Variants in TRAPPC4 observed in about 807,000 individuals in gnomAD.
TRAPPC4 encodes trafficking protein particle complex subunit 4, also known as TRS23 homolog.
TRAPPC4 carries 30 observed loss-of-function variants against 23.5 expected under a neutral mutation model. The observed-to-expected ratio is 1.28, with a 90% CI of 0.96 to 1.73. The LOEUF is 1.73. TRAPPC4 is among the 40% of genes most tolerant of loss of function. The probability of loss-of-function intolerance (pLI) is 0.00; values close to 1 mark genes in which losing one functional copy is unlikely to be tolerated. For missense variants in TRAPPC4, 252 were observed against 268.9 expected (o/e 0.94, Z 0.44); for synonymous variants, 129 against 105.3 (o/e 1.23, Z -1.38).
intron 2 of TRAPPC4, chr11:119,019,825 C>T (rs1476350326): frequency 1.4e-5 from 3 of 208,768 alleles, no homozygotes; most frequent in South Asian, 9.1e-5. Flanking sequence ...AACTAAATGA[C>T]CTTTAAACTT....
At position 119,018,835 on chromosome 11, in the gene TRAPPC4, G is replaced by A; in HGVS notation, c.40G>A (p.Gly14Ser). The A allele has an allele frequency of 1.2e-6, 2 of 1,614,252 alleles. No individual in the cohort carries two copies. Among genetic ancestry groups the A allele is most frequent in the Non-Finnish European group, 1.7e-6 (2 of 1,180,050 alleles). ...TGTGTATGTGGTGAACAAAGCTGGC[G>A]GCTTGATTTACCAGTTGGACAGCTA... ...FSVYVVNKAG[G>S]LIYQLDSYAP... Residue 14 changes from glycine to serine, a missense_variant, in exon 1 of 5, where the codon GGC becomes AGC. By Grantham distance (56) the Gly-to-Ser change is moderately conservative. Transcript: ENST00000533632.
rs1474032445 is a variant in TRAPPC4 at position 119,023,465 on chromosome 11, C to G, written c.*66C>G. On this transcript the variant is annotated 3_prime_UTR_variant, in exon 5 of 5. Transcript: ENST00000533632. Reference sequence around the variant, plus strand: ...CAACAAGAATACTGCTGTTGACACTCCAGTGGAAATCCCAGCAGCCTTGTT... The same window carrying G: ...CAACAAGAATACTGCTGTTGACACTGCAGTGGAAATCCCAGCAGCCTTGTT... 12 of 1,485,402 alleles carry G rather than the reference C, an allele frequency of 8.1e-6. No homozygotes were observed. Among genetic ancestry groups the G allele is most frequent in the Non-Finnish European group, 1.1e-5 (12 of 1,064,224 alleles). The allele number at this position is 1,485,402 out of a possible 1,614,324, so 92.0% of individuals were successfully genotyped here. A position where few individuals can be genotyped will look rare whatever the true frequency, so the allele number is the denominator to read the frequency against.
chr11:119,022,957 G>GTTTTTTTTTTTTTTTTT lies in TRAPPC4; in HGVS notation c.582-357_582-341dup, dbSNP rs71048033. On this transcript the variant is annotated intron_variant, in intron 4 of 4. Coordinates refer to ENST00000533632, the MANE Select transcript of TRAPPC4 (RefSeq NM_016146.6). ...TGTTTGTGGGGTTTTTTTTGTTGAT[G>GTTTTTTTTTTTTTTTTT]TTTTTTTTTTTTTTTTTTTTTTTGA... 180 of 85,404 alleles carry GTTTTTTTTTTTTTTTTT rather than the reference G, an allele frequency of 2.1e-3. 3 individuals carry two copies. Among genetic ancestry groups the GTTTTTTTTTTTTTTTTT allele is most frequent in the East Asian group, 3.0e-3 (7 of 2,326 alleles). The allele number at this position is 85,404 out of a possible 1,614,324, so 5.3% of individuals were successfully genotyped here.
In TRAPPC4 at chr11:119,023,694, T is replaced by C. The variant is rs1943464101; in HGVS notation, c.*295T>C. The stretch of plus-strand genomic sequence containing the variant: ...TTGCAATCTGTCTTAATCGATGGTT[T>C]TGGGGGAAAGATACAGGAAGTGAGT... On this transcript the variant is annotated 3_prime_UTR_variant, in exon 5 of 5. Coordinates refer to ENST00000533632, the MANE Select transcript of TRAPPC4 (RefSeq NM_016146.6). The C allele has an allele frequency of 4.3e-6, 1 of 233,234 alleles. No homozygotes were observed. The highest frequency in any genetic ancestry group is 8.3e-6 in the Non-Finnish European group (1 of 119,858). 14.4% of individuals were successfully genotyped at this position (233,234 alleles called of 1,614,324 possible).
chr11:119,020,711 T>TC (rs1943334968), intron 3 of TRAPPC4: 1 of 153,458 alleles, frequency 6.5e-6, no homozygotes, highest in Non-Finnish European at 1.4e-5. Context: ...TTCTTTTTTT[T>TC]TTTTTTTTTT....
At position 119,023,435 on chromosome 11, in the gene TRAPPC4, TC is replaced by T. The variant is rs1483858697; in HGVS notation, c.*38del. The T allele has an allele frequency of 1.2e-6, 2 of 1,600,174 alleles. No individual in the cohort carries two copies. Among genetic ancestry groups the T allele is most frequent in the Admixed American group, 3.3e-5 (2 of 59,934 alleles). Reference sequence around the variant, plus strand: ...TTATGGACCCCCAAATTCTGAGAGTTCCTGCAACAAGAATACTGCTGTTGAC... The same window carrying T: ...TTATGGACCCCCAAATTCTGAGAGTTCTGCAACAAGAATACTGCTGTTGAC... On this transcript the variant is annotated 3_prime_UTR_variant, in exon 5 of 5. Transcript: ENST00000533632.
Position 119,023,433 on chromosome 11 carries a change from G to A in TRAPPC4, c.*34G>A, listed in dbSNP as rs369482043. On this transcript the variant is annotated 3_prime_UTR_variant, in exon 5 of 5. Coordinates refer to ENST00000533632, the MANE Select transcript of TRAPPC4 (RefSeq NM_016146.6). ...TGTTATGGACCCCCAAATTCTGAGA[G>A]TTCCTGCAACAAGAATACTGCTGTT... 6.2e-6 allele frequency: 10 copies of A among 1,601,748 alleles called. No individual in the cohort carries two copies. The highest frequency in any genetic ancestry group is 8.6e-6 in the Non-Finnish European group (10 of 1,168,986).
intron 4 of TRAPPC4, among the ~76,000 whole-genome samples, chr11:119,022,754 C>G (rs1399893484): frequency 2.7e-5 from 4 of 149,596 alleles, no homozygotes; most frequent in Non-Finnish European, 4.4e-5. Context: ...CAAAAATTAG[C>G]CAGGTGTGGT....
intron 2 of TRAPPC4, 165 bp downstream of exon 2, chr11:119,019,482 C>T: frequency 1.4e-6 from 1 of 729,550 alleles, no homozygotes; most frequent in Non-Finnish European, 2.2e-6. Flanking sequence ...CGCGGAGTTA[C>T]CCAGGCTGGA....
chr11:119,020,866 C>G (rs1047145459), intron 3 of TRAPPC4: 1 of 151,864 alleles, frequency 6.6e-6, no homozygotes, highest in Non-Finnish European at 1.5e-5. Context: ...CCACCACACC[C>G]AGCTAATTTT....
At chr11:119,019,879 A>T in intron 2 of TRAPPC4, 1 of 317,802 alleles carries the variant, frequency 3.1e-6, no homozygotes. Context: ...GCCTTTGCTT[A>T]AACACAAGCT....
intron 4 of TRAPPC4, 149 bp from the exon 5 acceptor site, chr11:119,023,172 C>T (rs1943439307): frequency 1.5e-6 from 1 of 678,528 alleles, no homozygotes; most frequent in Admixed American, 2.4e-5. Flanking sequence ...ACCATATTGG[C>T]CAGGCTAGTC....
chr11:119,021,002 C>T (rs1484208721), intron 3 of TRAPPC4: 1 of 152,454 alleles, frequency 6.6e-6, no homozygotes, highest in Non-Finnish European at 1.5e-5. Flanking sequence ...AATTCTCCTG[C>T]CTCAGCCTCC....
chr11:119,019,807 G>T lies in TRAPPC4; in HGVS notation c.351-343G>T, dbSNP rs562290755. Reference sequence around the variant, plus strand: ...CTTAGTTTCTTCATATTTAAAGAAAGCCAGTTTAACTAAATGACCTTTAAA... The same window carrying T: ...CTTAGTTTCTTCATATTTAAAGAAATCCAGTTTAACTAAATGACCTTTAAA... On this transcript the variant is annotated intron_variant, in intron 2 of 4. Coordinates refer to ENST00000533632, the MANE Select transcript of TRAPPC4 (RefSeq NM_016146.6). 5 of 205,782 alleles carry T rather than the reference G, an allele frequency of 2.4e-5. 2 individuals carry two copies. In the South Asian group the frequency reaches 4.5e-4, roughly 18 times the overall value. 12.7% of individuals were successfully genotyped at this position (205,782 alleles called of 1,614,324 possible). A position where few individuals can be genotyped will look rare whatever the true frequency, so the allele number is the denominator to read the frequency against.
intron 2 of TRAPPC4, 169 bp from the exon 3 acceptor site, chr11:119,019,981 C>A: frequency 3.8e-6 from 2 of 531,758 alleles, no homozygotes; most frequent in Non-Finnish European, 3.4e-6. Flanking sequence ...GTAAAATATT[C>A]ACAGAATTCA....
At chr11:119,019,366 T>G (rs782011022) in intron 2 of TRAPPC4, 49 bp downstream of exon 2, 1 of 1,573,716 alleles carries the variant, frequency 6.4e-7, no homozygotes, top group Non-Finnish European at 8.7e-7. Context: ...TGTCTACCTT[T>G]TCTTAAATCG....
chr11:119,020,111 A>G, intron 2 of TRAPPC4, 39 bp from the exon 3 acceptor site: 1 of 1,487,592 alleles, frequency 6.7e-7, no homozygotes, highest in South Asian at 1.1e-5. Flanking sequence ...TTTGAGAAGC[A>G]CTCCTTCCTT....
intron 2 of TRAPPC4, 185 bp from the exon 3 acceptor site, chr11:119,019,965 A>G: frequency 1.9e-6 from 1 of 526,146 alleles, no homozygotes; most frequent in Non-Finnish European, 3.4e-6. Context: ...GTAACAAAGT[A>G]TGAATGTAAA....
rs782273795 is a variant in TRAPPC4, at chr11:119,019,324, C to T, written c.350+7C>T. On this transcript the variant is annotated splice_region_variant and intron_variant, in intron 2 of 4. Coordinates refer to ENST00000533632, the MANE Select transcript of TRAPPC4 (RefSeq NM_016146.6). ...TGGCCTCCATGTTCCACTCGTAAGT[C>T]CCCCGTCTCCTGAACGGCAGCGCTT... 7 of 1,607,214 alleles carry T rather than the reference C, an allele frequency of 4.4e-6. No individual in the cohort carries two copies. The highest frequency in any genetic ancestry group is 1.1e-5 in the South Asian group (1 of 90,868).
Sources: allele counts gnomAD v4.1 joint callset (sites outside exome capture counted in the v4.1 genomes callset), GRCh38; gene constraint gnomAD v4.1.1; transcripts MANE v1.5; gene names NCBI Gene and HGNC (gene_info 2026-07-23, HGNC 2026-07-21).